SGCZ: variants seen among roughly 807,000 people sequenced by gnomAD.
SGCZ encodes sarcoglycan zeta, also known as zeta-sarcoglycan.
A neutral mutation model predicts 41.3 loss-of-function variants in SGCZ; 40 were observed. That is an observed-to-expected ratio of 0.97 (90% confidence interval 0.75 to 1.26). The LOEUF is 1.26. Ranked by LOEUF, SGCZ falls within the 50% of genes most tolerant of loss-of-function variation. SGCZ has a pLI of 0.00. For missense variants in SGCZ, 552 were observed against 369.8 expected (o/e 1.49, Z -4.04); for synonymous variants, 206 against 137.5 (o/e 1.50, Z -3.49).
intron 1 of SGCZ, among the ~76,000 whole-genome samples, chr8:14,798,257 T>C (rs189676223): frequency 6.6e-6 from 1 of 152,316 alleles, no homozygotes; most frequent in Admixed American, 6.5e-5. Context: ...TAGAAATCAA[T>C]GAAGAAAGTA....
At position 14,626,440 on chromosome 8, in the gene SGCZ, T is replaced by A. The variant is rs745427134; in HGVS notation, c.40-71514A>T. Among the ~76,000 whole-genome samples, 164 of 152,254 alleles carry A rather than the reference T, an allele frequency of 1.1e-3. 1 individual carries two copies. The highest frequency in any genetic ancestry group is 2.1e-3 in the Non-Finnish European group (145 of 68,026). On this transcript the variant is annotated intron_variant, in intron 1 of 7. Transcript: ENST00000382080. ...GGCCTTAGGTTTAATATTTGTTCTT[T>A]GAACAAATATTTGAACTTTGTCTCT...
chr8:14,776,708 T>C lies in SGCZ; in HGVS notation c.40-221782A>G, dbSNP rs556401909. 5.9e-5 allele frequency among the ~76,000 whole-genome samples: 9 copies of C among 152,050 alleles called. No individual in the cohort carries two copies. The East Asian group carries it at 1.8e-3, about 30-fold the overall frequency. The stretch of plus-strand genomic sequence containing the variant: ...CGGGGTTTCACCGTGTTAGCCAGGA[T>C]GGTCTCCATCTCCTGACCTTGTGAC... On this transcript the variant is annotated intron_variant, in intron 1 of 7. Transcript: ENST00000382080.
intron 5 of SGCZ, among the ~76,000 whole-genome samples, chr8:14,140,718 TC>T (rs1414229956): frequency 2.0e-5 from 3 of 152,024 alleles, no homozygotes; most frequent in Non-Finnish European, 4.4e-5. Context: ...ATAGGAAGAA[TC>T]AATATCATGA....
chr8:14,626,792 A>G (rs139797176), intron 1 of SGCZ, among the ~76,000 whole-genome samples: 8 of 152,282 alleles, frequency 5.3e-5, no homozygotes, highest in African/African-American at 1.7e-4. Flanking sequence ...GGCTGCTGAT[A>G]TCTTGAATTT....
chr8:14,595,660 C>T (rs894504337), intron 1 of SGCZ, among the ~76,000 whole-genome samples: 55 of 152,252 alleles, frequency 3.6e-4, no homozygotes, highest in South Asian at 1.9e-3. Context: ...CATCAAAATG[C>T]TTCACGTCTA....
At chr8:14,844,576 T>G (rs1803037330) in intron 1 of SGCZ, among the ~76,000 whole-genome samples, 1 of 152,160 alleles carries the variant, frequency 6.6e-6, no homozygotes, top group Admixed American at 6.6e-5. Flanking sequence ...CCAGCTGACA[T>G]GAAACATGAG....
At chr8:14,303,561 T>C (rs1801260233) in intron 3 of SGCZ, among the ~76,000 whole-genome samples, 1 of 152,100 alleles carries the variant, frequency 6.6e-6, no homozygotes, top group Non-Finnish European at 1.5e-5. Context: ...CAGTGGATTC[T>C]TACAAATGCC....
intron 1 of SGCZ, among the ~76,000 whole-genome samples, chr8:15,199,727 G>A (rs1023904313): frequency 6.6e-6 from 1 of 152,032 alleles, no homozygotes; most frequent in South Asian, 2.1e-4. Context: ...TAAACTATTG[G>A]CTAGGGAAAC....
At chr8:14,384,880 T>G (rs534818258) in intron 2 of SGCZ, among the ~76,000 whole-genome samples, 1 of 152,338 alleles carries the variant, frequency 6.6e-6, no homozygotes, top group Admixed American at 6.5e-5. Flanking sequence ...TGGCAATTCT[T>G]ATTTGTAAGT....
intron 1 of SGCZ, among the ~76,000 whole-genome samples, chr8:14,876,706 A>G (rs867035796): frequency 5.9e-5 from 9 of 152,226 alleles, no homozygotes; most frequent in South Asian, 4.1e-4. Flanking sequence ...AGTAACTTTT[A>G]TTGGCTTTGA....
chr8:14,911,959 G>A (rs1293460255), intron 1 of SGCZ, among the ~76,000 whole-genome samples: 1 of 151,878 alleles, frequency 6.6e-6, no homozygotes, highest in African/African-American at 2.4e-5. Context: ...TAAAATATTA[G>A]TACTATTCTA....
intron 4 of SGCZ, among the ~76,000 whole-genome samples, chr8:14,205,171 AT>A (rs34683158): frequency 0.99 from 147,915 of 149,426 alleles, 73,213 homozygotes; most frequent in Non-Finnish European, 1. Context: ...CCTAGACTTT[AT>A]TTTTTTTTTT....
At chr8:14,301,154 G>C (rs531587344) in intron 3 of SGCZ, among the ~76,000 whole-genome samples, 4 of 151,560 alleles carry the variant, frequency 2.6e-5, no homozygotes, top group Non-Finnish European at 5.9e-5. Flanking sequence ...ATATGTGCTC[G>C]GTCAATGCAT....
chr8:15,160,252 G>C (rs1050767794), intron 1 of SGCZ, among the ~76,000 whole-genome samples: 3 of 152,152 alleles, frequency 2.0e-5, no homozygotes, highest in African/African-American at 7.2e-5. Context: ...ATTTCACTCA[G>C]AATAATGTCC....
intron 2 of SGCZ, among the ~76,000 whole-genome samples, chr8:14,382,062 T>C (rs1340545468): frequency 1.3e-5 from 2 of 152,268 alleles, no homozygotes; most frequent in Non-Finnish European, 1.5e-5. Flanking sequence ...GAGTATTCAG[T>C]GAAAGCGGCA....
chr8:14,254,757 T>C (rs531768026), intron 3 of SGCZ, among the ~76,000 whole-genome samples: 3 of 150,818 alleles, frequency 2.0e-5, no homozygotes, highest in African/African-American at 7.3e-5. Context: ...TCTTTTTTTT[T>C]CTGGAGGAGG....
At chr8:14,952,211 T>G (rs185890961) in intron 1 of SGCZ, among the ~76,000 whole-genome samples, 3 of 152,196 alleles carry the variant, frequency 2.0e-5, no homozygotes, top group African/African-American at 7.2e-5. Flanking sequence ...CATTACTGTT[T>G]TGTTATGTCA....
At chr8:14,866,014 G>A (rs1441978192) in intron 1 of SGCZ, among the ~76,000 whole-genome samples, 1 of 152,040 alleles carries the variant, frequency 6.6e-6, no homozygotes, top group Non-Finnish European at 1.5e-5. Context: ...GATTTAAGGT[G>A]TTAGTTTTGA....
chr8:14,895,346 G>C (rs1474935823), intron 1 of SGCZ, among the ~76,000 whole-genome samples: 1 of 152,044 alleles, frequency 6.6e-6, no homozygotes, highest in African/African-American at 2.4e-5. Context: ...GATCGAATGA[G>C]TTAAATAATT....
Sources: gnomAD v4.1 joint callset for allele counts (sites outside exome capture counted in the v4.1 genomes callset) on GRCh38, gnomAD v4.1.1 for gene constraint, MANE v1.5 for transcripts, NCBI Gene and HGNC (gene_info 2026-07-23, HGNC 2026-07-21) for gene names.